Variants in SAMD5 observed in about 807,000 individuals in gnomAD.
The protein encoded by SAMD5 is sterile alpha motif domain-containing protein 5.
In SAMD5, 13 loss-of-function variants were observed where a neutral mutation model predicts 11.3. The ratio of observed to expected loss-of-function variants is 1.15; its 90% confidence interval spans 0.75 to 1.83. The LOEUF (loss-of-function observed/expected upper bound fraction) is 1.83. Ranked by LOEUF, SAMD5 falls within the 40% of genes most tolerant of loss-of-function variation. SAMD5 has a pLI of 0.00. For synonymous variants in SAMD5, 129 were observed against 111.3 expected, an observed-to-expected ratio of 1.16 and a Z score of -1.00; for missense variants, 255 against 239.1, an observed-to-expected ratio of 1.07 and a Z score of -0.44.
intron 1 of SAMD5, among the ~76,000 whole-genome samples, chr6:147,718,289 C>T (rs146679745): frequency 2.6e-5 from 4 of 152,248 alleles, no homozygotes; most frequent in African/African-American, 7.2e-5. Context: ...CATCCCCCAC[C>T]GAGTGTGCAT....
chr6:147,776,308 C>G, the SAMD5 span, among the ~76,000 whole-genome samples: 2 of 152,154 alleles, frequency 1.3e-5, no homozygotes, highest in African/African-American at 2.4e-5. Context: ...AGCCCATTTT[C>G]TAGCTGCTTA....
At chr6:147,927,226 A>C in the SAMD5 span, among the ~76,000 whole-genome samples, 1 of 152,200 alleles carries the variant, frequency 6.6e-6, no homozygotes, top group East Asian at 1.9e-4. Context: ...TGATGGGAAT[A>C]GCATTGAATC....
chr6:147,850,818 G>GT, the SAMD5 span, among the ~76,000 whole-genome samples: 167 of 152,150 alleles, frequency 1.1e-3, no homozygotes, highest in African/African-American at 3.9e-3. Context: ...TTTAGTCACC[G>GT]AGTAGCAGAC....
At chr6:147,612,055 T>C (rs1002382299) in intron 1 of SAMD5, among the ~76,000 whole-genome samples, 1 of 152,166 alleles carries the variant, frequency 6.6e-6, no homozygotes, top group Non-Finnish European at 1.5e-5. Flanking sequence ...TTACCAATTG[T>C]TTATCTATCA....
At chr6:147,844,712 A>T in the SAMD5 span, among the ~76,000 whole-genome samples, 2 of 152,138 alleles carry the variant, frequency 1.3e-5, no homozygotes, top group Non-Finnish European at 2.9e-5. Flanking sequence ...GGCAACATGG[A>T]TGAGCCTAGA....
Position 147,566,634 on chromosome 6 carries a change from A to T in SAMD5, c.*2178A>T, listed in dbSNP as rs907629376. ...AACTTCAATTATTTTGCCAGGTTTAAACCTTCTCTCTGTGTCTGTGGTTAG... is the reference window on the plus strand; with the variant it reads ...AACTTCAATTATTTTGCCAGGTTTATACCTTCTCTCTGTGTCTGTGGTTAG... On this transcript the variant is annotated 3_prime_UTR_variant, in exon 2 of 2. Transcript: ENST00000367474. 67 of 980,310 alleles carry T rather than the reference A, an allele frequency of 6.8e-5. No individual in the cohort carries two copies. The highest frequency in any genetic ancestry group is 1.2e-4 in the Admixed American group (2 of 16,254). 60.7% of individuals were successfully genotyped at this position (980,310 alleles called of 1,614,324 possible).
At chr6:147,937,149 A>G in the SAMD5 span, among the ~76,000 whole-genome samples, 1 of 152,160 alleles carries the variant, frequency 6.6e-6, no homozygotes, top group South Asian at 2.1e-4. Flanking sequence ...TCTGCCATTT[A>G]CCCTATCAGA....
intron 1 of SAMD5, among the ~76,000 whole-genome samples, chr6:147,544,637 C>T (rs941911843): frequency 6.6e-6 from 1 of 152,154 alleles, no homozygotes; most frequent in Non-Finnish European, 1.5e-5. Context: ...CTGTTGTAGT[C>T]AGCTCTGATG....
intron 1 of SAMD5, among the ~76,000 whole-genome samples, chr6:147,638,132 C>T (rs1452406722): frequency 6.6e-6 from 1 of 152,052 alleles, no homozygotes; most frequent in East Asian, 1.9e-4. Flanking sequence ...TCTCTCTCCC[C>T]ACCAAAAATT....
At chr6:147,832,541 C>A in the SAMD5 span, among the ~76,000 whole-genome samples, 1 of 152,146 alleles carries the variant, frequency 6.6e-6, no homozygotes, top group African/African-American at 2.4e-5. Context: ...TTCTAGACTA[C>A]CATCGCCTGC....
chr6:147,878,801 C>G, the SAMD5 span, among the ~76,000 whole-genome samples: 1 of 151,822 alleles, frequency 6.6e-6, no homozygotes, highest in Non-Finnish European at 1.5e-5. Context: ...GTCACCCAGG[C>G]TGGAGTGCAG....
At chr6:147,709,562 G>A (rs1474685185) in intron 1 of SAMD5, among the ~76,000 whole-genome samples, 10 of 152,096 alleles carry the variant, frequency 6.6e-5, no homozygotes, top group Non-Finnish European at 1.5e-5. Context: ...GAAGACATTG[G>A]TCACCACCCA....
the SAMD5 span, among the ~76,000 whole-genome samples, chr6:147,881,204 C>G: frequency 6.6e-6 from 1 of 152,136 alleles, no homozygotes; most frequent in African/African-American, 2.4e-5. Flanking sequence ...TATGGCAAAA[C>G]TAAGATCTTT....
At chr6:147,725,669 A>G (rs946701826) in intron 1 of SAMD5, among the ~76,000 whole-genome samples, 5 of 152,154 alleles carry the variant, frequency 3.3e-5, no homozygotes, top group African/African-American at 4.8e-5. Flanking sequence ...GATTACAGGC[A>G]TGAGCCACTG....
the SAMD5 span, among the ~76,000 whole-genome samples, chr6:147,752,105 T>C: frequency 1.3e-5 from 2 of 152,178 alleles, no homozygotes; most frequent in African/African-American, 4.8e-5. Context: ...TGTGTACATG[T>C]GTATGTCAGT....
chr6:147,630,722 G>T (rs1166449118), intron 1 of SAMD5, among the ~76,000 whole-genome samples: 1 of 152,120 alleles, frequency 6.6e-6, no homozygotes, highest in East Asian at 1.9e-4. Flanking sequence ...AAGCCTGTTT[G>T]GTGGTCTCTT....
Position 147,509,306 on chromosome 6 carries a change from C to G in SAMD5, c.378C>G (p.Pro126=). 6.3e-7 allele frequency: 1 copy of G among 1,579,576 alleles called. No individual in the cohort carries two copies. The highest frequency in any genetic ancestry group is 1.2e-5 in the South Asian group (1 of 86,612). The change falls in exon 1 of 2, where the codon CCC becomes CCG. Residue 126 remains proline, a synonymous_variant. Coordinates refer to ENST00000367474, the MANE Select transcript of SAMD5 (RefSeq NM_001030060.3). ...APRSRELVSY[P]KLKLKIMIRD... ...GCAGCAGGGAGCTGGTGAGCTACCC[C>G]AAACTGAAGCTGAAGATCATGATCA...
the SAMD5 span, among the ~76,000 whole-genome samples, chr6:147,798,509 AGGTGT>A: frequency 2.0e-5 from 3 of 150,494 alleles, no homozygotes; most frequent in Non-Finnish European, 4.4e-5. Flanking sequence ...ATTTTGGAAT[AGGTGT>A]GGTGTGGTGC....
At chr6:147,934,906 A>T in the SAMD5 span, among the ~76,000 whole-genome samples, 1 of 152,080 alleles carries the variant, frequency 6.6e-6, no homozygotes, top group Admixed American at 6.5e-5. Context: ...CAAATTGCAA[A>T]CAACCATACA....
Sources: gnomAD v4.1 joint callset for allele counts (sites outside exome capture counted in the v4.1 genomes callset) on GRCh38, gnomAD v4.1.1 for gene constraint, MANE v1.5 for transcripts, NCBI Gene and HGNC (gene_info 2026-07-23, HGNC 2026-07-21) for gene names.